The following NRXN3 variants were observed in gnomAD, a reference collection of about 807,000 sequenced individuals.
NRXN3 encodes neurexin III.
A neutral mutation model predicts 137.6 loss-of-function variants in NRXN3; 32 were observed. The observed-to-expected ratio is 0.23, with a 90% CI of 0.18 to 0.31. The LOEUF is 0.31. Among genes scored for constraint, NRXN3 ranks in the 10% least tolerant of loss-of-function variants. The pLI, the probability that NRXN3 is intolerant of heterozygous loss-of-function variation, is 1.00. For missense variants in NRXN3, 1,574 were observed against 2,062.5 expected (o/e 0.76, Z 4.59); for synonymous variants, 798 against 784.5 (o/e 1.02, Z -0.29).
chr14:79,602,201 C>T (rs1239248540), intron 16 of NRXN3, among the ~76,000 whole-genome samples: 4 of 152,142 alleles, frequency 2.6e-5, no homozygotes, highest in Non-Finnish European at 4.4e-5. Context: ...ATTAATAGCC[C>T]AGTTCTAGGC....
intron 4 of NRXN3, among the ~76,000 whole-genome samples, chr14:78,517,769 C>T (rs549600309): frequency 8.5e-4 from 129 of 152,266 alleles, no homozygotes; most frequent in African/African-American, 2.8e-3. Context: ...ACTATCTAGA[C>T]GTCAAAAATC....
At chr14:78,838,387 T>C (rs1157196148) in intron 10 of NRXN3, among the ~76,000 whole-genome samples, 1 of 152,162 alleles carries the variant, frequency 6.6e-6, no homozygotes, top group Non-Finnish European at 1.5e-5. Flanking sequence ...ACATAGATAT[T>C]CCTAGTAACT....
At chr14:79,819,704 C>T (rs1436179921) in intron 20 of NRXN3, among the ~76,000 whole-genome samples, 2 of 151,824 alleles carry the variant, frequency 1.3e-5, no homozygotes, top group South Asian at 2.1e-4. Flanking sequence ...AGACTGGTCT[C>T]GAACTCCTGA....
chr14:78,689,880 C>G (rs940267423), intron 6 of NRXN3, among the ~76,000 whole-genome samples: 1 of 151,718 alleles, frequency 6.6e-6, no homozygotes, highest in Admixed American at 6.6e-5. Context: ...TCCTCTTTCT[C>G]TCTGCCCTTC....
chr14:78,368,657 T>C (rs1259564686), intron 4 of NRXN3, among the ~76,000 whole-genome samples: 3 of 152,130 alleles, frequency 2.0e-5, no homozygotes, highest in African/African-American at 7.2e-5. Flanking sequence ...ATCACACCAT[T>C]GCACTCCAGC....
chr14:78,184,103 A>AAGTC (rs2060035137), intron 1 of NRXN3, among the ~76,000 whole-genome samples: 1 of 152,250 alleles, frequency 6.6e-6, no homozygotes, highest in African/African-American at 2.4e-5. Context: ...AAACAAAAAT[A>AAGTC]AGTCACCTAT....
intron 2 of NRXN3, among the ~76,000 whole-genome samples, chr14:78,274,120 A>G (rs565484162): frequency 6.6e-6 from 1 of 152,164 alleles, no homozygotes; most frequent in South Asian, 2.1e-4. Flanking sequence ...TGGGAGGACT[A>G]CCCCGGCTGA....
chr14:79,825,417 A>G (rs1470260155), intron 20 of NRXN3, among the ~76,000 whole-genome samples: 1 of 152,174 alleles, frequency 6.6e-6, no homozygotes, highest in East Asian at 1.9e-4. Context: ...TGAAGCTAGG[A>G]GAGTTAATGA....
At chr14:79,845,633 AC>A in intron 20 of NRXN3, among the ~76,000 whole-genome samples, 1 of 138,818 alleles carries the variant, frequency 7.2e-6, no homozygotes. Flanking sequence ...GGGGAGAGAG[AC>A]GGAGACGGGG....
At chr14:78,475,056 G>A (rs2095354255) in intron 4 of NRXN3, among the ~76,000 whole-genome samples, 1 of 152,120 alleles carries the variant, frequency 6.6e-6, no homozygotes, top group African/African-American at 2.4e-5. Flanking sequence ...TAATTGCAAG[G>A]TATTGACTTC....
intron 19 of NRXN3, among the ~76,000 whole-genome samples, chr14:79,743,567 A>AT (rs1254924517): frequency 1.3e-5 from 2 of 152,182 alleles, no homozygotes; most frequent in African/African-American, 4.8e-5. Context: ...AGAAATAAAG[A>AT]TTTTTAAAAC....
At chr14:79,285,865 G>GC (rs531709013) in intron 15 of NRXN3, among the ~76,000 whole-genome samples, 1,479 of 71,964 alleles carry the variant, frequency 0.021, 22 homozygotes, top group African/African-American at 0.072. Flanking sequence ...GCCCCCCACC[G>GC]CCCCCCACCA....
intron 4 of NRXN3, among the ~76,000 whole-genome samples, chr14:78,567,602 T>C (rs531320623): frequency 5.9e-5 from 9 of 152,332 alleles, no homozygotes; most frequent in African/African-American, 1.9e-4. Context: ...CCTAGTTATA[T>C]GTGTAAACAA....
chr14:78,798,864 G>A (rs907533774), intron 8 of NRXN3, among the ~76,000 whole-genome samples: 7 of 152,306 alleles, frequency 4.6e-5, no homozygotes, highest in Admixed American at 3.9e-4. Context: ...CTCTACCTTG[G>A]CCCCTTTTAG....
At chr14:79,633,459 G>A (rs221479) in intron 16 of NRXN3, 59,344 of 151,772 alleles carry the variant, frequency 0.39, 16,089 homozygotes, top group African/African-American at 0.77. Flanking sequence ...CTCACTTCCC[G>A]GAAATGTTCC....
intron 20 of NRXN3, among the ~76,000 whole-genome samples, chr14:79,834,583 T>G (rs1371984937): frequency 3.9e-5 from 6 of 152,178 alleles, no homozygotes; most frequent in Non-Finnish European, 8.8e-5. Flanking sequence ...TCTTGTTTGA[T>G]TCTAGTAAAC....
intron 16 of NRXN3, among the ~76,000 whole-genome samples, chr14:79,571,440 A>G (rs1037339348): frequency 8.5e-5 from 13 of 152,180 alleles, no homozygotes; most frequent in African/African-American, 3.1e-4. Context: ...CAACCTTGCT[A>G]ACATATGACT....
intron 16 of NRXN3, among the ~76,000 whole-genome samples, chr14:79,494,519 C>G (rs2096747995): frequency 6.6e-6 from 1 of 152,138 alleles, no homozygotes; most frequent in Non-Finnish European, 1.5e-5. Context: ...CATGAAACGT[C>G]ATTAAGATGC....
intron 10 of NRXN3, among the ~76,000 whole-genome samples, chr14:78,868,481 C>T (rs2099092966): frequency 6.6e-6 from 1 of 152,050 alleles, no homozygotes; most frequent in Non-Finnish European, 1.5e-5. Flanking sequence ...GTTTTAAATG[C>T]TAGATGGAGT....
Sources: allele counts gnomAD v4.1 joint callset (sites outside exome capture counted in the v4.1 genomes callset), GRCh38; gene constraint gnomAD v4.1.1; transcripts MANE v1.5; gene names NCBI Gene and HGNC (gene_info 2026-07-23, HGNC 2026-07-21).